NR3C1: variants seen among roughly 807,000 people sequenced by gnomAD.
NR3C1 encodes nuclear receptor subfamily 3 group C member 1.
NR3C1 carries 14 observed loss-of-function variants against 74.0 expected under a neutral mutation model. The ratio of observed to expected loss-of-function variants is 0.19; its 90% CI spans 0.12 to 0.30. NR3C1 has a LOEUF of 0.30. Among genes scored for constraint, NR3C1 ranks in the 10% least tolerant of loss-of-function variants. The pLI is 1.00. For synonymous variants in NR3C1, 308 were observed against 332.5 expected, an observed-to-expected ratio of 0.93 and a Z score of 0.80; for missense variants, 695 against 909.8, an observed-to-expected ratio of 0.76 and a Z score of 3.04.
At chr5:143,392,494 T>C (rs1285820633) in intron 2 of NR3C1, among the ~76,000 whole-genome samples, 1 of 152,146 alleles carries the variant, frequency 6.6e-6, no homozygotes, top group African/African-American at 2.4e-5. Context: ...AATATTTCCC[T>C]TCAGATAAGT....
At chr5:143,298,094 A>C (rs1817701554) in intron 6 of NR3C1, among the ~76,000 whole-genome samples, 1 of 152,206 alleles carries the variant, frequency 6.6e-6, no homozygotes, top group South Asian at 2.1e-4. Context: ...TGGACACCTG[A>C]AGTATTTCGC....
chr5:143,361,350 C>A (rs954223480), intron 2 of NR3C1, among the ~76,000 whole-genome samples: 1 of 152,152 alleles, frequency 6.6e-6, no homozygotes, highest in Non-Finnish European at 1.5e-5. Flanking sequence ...AACCAACATT[C>A]TTAACACTAG....
intron 1 of NR3C1, among the ~76,000 whole-genome samples, chr5:143,416,921 T>C (rs1750932202): frequency 6.6e-6 from 1 of 152,216 alleles, no homozygotes; most frequent in East Asian, 1.9e-4. Flanking sequence ...ATTCACCTAT[T>C]CTGGTTACAT....
chr5:143,313,699 T>C (rs991294686), intron 3 of NR3C1, among the ~76,000 whole-genome samples: 8 of 152,164 alleles, frequency 5.3e-5, no homozygotes, highest in Admixed American at 4.6e-4. Flanking sequence ...ACAATGAACA[T>C]TATGTTATGC....
At chr5:143,354,531 G>T (rs1035543808) in intron 2 of NR3C1, among the ~76,000 whole-genome samples, 1 of 152,158 alleles carries the variant, frequency 6.6e-6, no homozygotes, top group Non-Finnish European at 1.5e-5. Context: ...CAGGAAGAGG[G>T]AGACAGACAG....
intron 2 of NR3C1, among the ~76,000 whole-genome samples, chr5:143,374,515 A>G (rs1318351132): frequency 6.6e-6 from 1 of 151,756 alleles, no homozygotes; most frequent in Non-Finnish European, 1.5e-5. Flanking sequence ...CATAGTGAGT[A>G]AAAAAGACAT....
intron 6 of NR3C1, among the ~76,000 whole-genome samples, chr5:143,297,863 A>G (rs1817648203): frequency 6.6e-6 from 1 of 152,148 alleles, no homozygotes. Context: ...TGTGAAGGAA[A>G]ACAATGGGAG....
chr5:143,431,978 G>A (rs780827919), intron 1 of NR3C1, among the ~76,000 whole-genome samples: 19 of 152,234 alleles, frequency 1.2e-4, no homozygotes, highest in Non-Finnish European at 2.8e-4. Context: ...CTGAGGGGGT[G>A]GTGGTAGCTG....
intron 2 of NR3C1, among the ~76,000 whole-genome samples, chr5:143,352,499 T>G (rs1240276244): frequency 1.3e-5 from 2 of 152,182 alleles, no homozygotes; most frequent in Non-Finnish European, 2.9e-5. Flanking sequence ...TCTCAACATA[T>G]TCTACGTTTT....
chr5:143,420,261 G>A (rs978487315), intron 1 of NR3C1, among the ~76,000 whole-genome samples: 2 of 152,168 alleles, frequency 1.3e-5, no homozygotes, highest in African/African-American at 4.8e-5. Context: ...GAGATGACAG[G>A]ATTAAGAGAT....
At chr5:143,294,744 G>T (rs1056271383) in intron 7 of NR3C1, 4 of 194,368 alleles carry the variant, frequency 2.1e-5, no homozygotes, top group Non-Finnish European at 3.7e-5. Context: ...ACAGTATGTA[G>T]CCCTTTCAGA....
chr5:143,394,735 C>T (rs1838881595), intron 2 of NR3C1, among the ~76,000 whole-genome samples: 1 of 151,906 alleles, frequency 6.6e-6, no homozygotes, highest in South Asian at 2.1e-4. Flanking sequence ...TAGATTTCTA[C>T]CTGAAATAAA....
upstream of NR3C1, among the ~76,000 whole-genome samples, chr5:143,407,825 A>G (rs1001493761): frequency 3.3e-5 from 5 of 152,178 alleles, no homozygotes; most frequent in Admixed American, 6.5e-5. Flanking sequence ...ACATCAACTA[A>G]ATCAGGCTGT....
At chr5:143,333,673 C>G (rs1826485327) in intron 2 of NR3C1, among the ~76,000 whole-genome samples, 1 of 152,086 alleles carries the variant, frequency 6.6e-6, no homozygotes, top group African/African-American at 2.4e-5. Flanking sequence ...GAGGCTAAGG[C>G]AGGAAAATCG....
At chr5:143,333,423 T>C (rs1248180642) in intron 2 of NR3C1, among the ~76,000 whole-genome samples, 1 of 152,238 alleles carries the variant, frequency 6.6e-6, no homozygotes, top group African/African-American at 2.4e-5. Flanking sequence ...GATTAGGACA[T>C]GGGGCTATGC....
At chr5:143,313,110 TA>T (rs1442563648) in intron 3 of NR3C1, among the ~76,000 whole-genome samples, 5 of 152,240 alleles carry the variant, frequency 3.3e-5, no homozygotes, top group South Asian at 2.1e-4. Context: ...ATTGTTTCTT[TA>T]AAAAATTAAT....
At chr5:143,433,394 ATATATATATATAATTTATTTATTTAAAT>A (rs750426541) in intron 1 of NR3C1, among the ~76,000 whole-genome samples, 46 of 140,686 alleles carry the variant, frequency 3.3e-4, no homozygotes, top group Admixed American at 7.1e-4. Flanking sequence ...AGCACTAAAT[ATATATATATATAATTTATTTATTTAAAT>A]TATATATATA....
intron 2 of NR3C1, among the ~76,000 whole-genome samples, chr5:143,374,474 G>C (rs1834800521): frequency 6.7e-6 from 1 of 149,492 alleles, no homozygotes; most frequent in African/African-American, 2.5e-5. Flanking sequence ...CTGGGCGACA[G>C]AGCGAGACTC....
chr5:143,311,498 G>A (rs1820929894), intron 3 of NR3C1, among the ~76,000 whole-genome samples: 1 of 152,176 alleles, frequency 6.6e-6, no homozygotes, highest in South Asian at 2.1e-4. Flanking sequence ...ATAGCCCTTT[G>A]TGGTTATTAG....
Sources: gnomAD v4.1 joint callset for allele counts (sites outside exome capture counted in the v4.1 genomes callset) on GRCh38, gnomAD v4.1.1 for gene constraint, MANE v1.5 for transcripts, NCBI Gene and HGNC (gene_info 2026-07-23, HGNC 2026-07-21) for gene names.